Variants in RAMP1 observed in about 807,000 individuals in gnomAD.
RAMP1 encodes the protein receptor activity modifying protein 1.
A neutral mutation model predicts 8.2 loss-of-function variants in RAMP1; 7 were observed. The observed-to-expected ratio is 0.85, with a 90% CI of 0.49 to 1.60. The LOEUF is 1.60. Among genes scored for constraint, RAMP1 ranks in the 40% most tolerant of loss-of-function variants. The pLI is 0.00. For missense variants in RAMP1, 192 were observed against 202.4 expected, an observed-to-expected ratio of 0.95 and a Z score of 0.31; for synonymous variants, 92 against 84.7, an observed-to-expected ratio of 1.09 and a Z score of -0.47.
rs1210149358 is a variant in RAMP1 at position 237,877,607 on chromosome 2, GC to G, written c.191+247del. Among the ~76,000 whole-genome samples the G allele has an allele frequency of 6.6e-6, 1 of 152,174 alleles. No individual in the cohort carries two copies. Among genetic ancestry groups the G allele is most frequent in the Non-Finnish European group, 1.5e-5 (1 of 68,004 alleles). ...TCTGGGGATGGAGGGTTCAGACTGG[GC>G]CATGTCCAGCCAGAGATGCCCGCGG... On this transcript the variant is annotated intron_variant, in intron 2 of 2. Coordinates refer to ENST00000254661, the MANE Select transcript of RAMP1 (RefSeq NM_005855.4). This position sits in a 1 kb window ranked among gnomAD's most constrained non-coding sequence, Gnocchi z 4.4.
At chr2:237,874,811 G>A (rs2062282895) in intron 1 of RAMP1, 4 of 670,068 alleles carry the variant, frequency 6.0e-6, no homozygotes, top group Non-Finnish European at 7.4e-6. Context: ...GCAGCCAAGA[G>A]GGTTCTGAGA....
rs547720168 is a variant in RAMP1 at position 237,871,264 on chromosome 2, T to G, written c.53-5960T>G. Among the ~76,000 whole-genome samples the G allele has an allele frequency of 8.0e-4, 122 of 152,216 alleles. 1 individual carries two copies. Among genetic ancestry groups the G allele is most frequent in the African/African-American group, 2.8e-3 (117 of 41,520 alleles). On this transcript the variant is annotated intron_variant, in intron 1 of 2. Transcript: ENST00000254661. ...CAGCTGACCCCTAGAGAGACAGGAC[T>G]TTAGACAGAGCAGGGGCAGGGAGAG...
intron 1 of RAMP1, among the ~76,000 whole-genome samples, chr2:237,863,825 C>T (rs1390860424): frequency 6.6e-6 from 1 of 152,042 alleles, no homozygotes; most frequent in Non-Finnish European, 1.5e-5. Flanking sequence ...CTCCCATGTG[C>T]AGTCACATGG....
chr2:237,890,569 T>A (rs2062478262), intron 2 of RAMP1, among the ~76,000 whole-genome samples: 1 of 152,218 alleles, frequency 6.6e-6, no homozygotes, highest in Non-Finnish European at 1.5e-5. Flanking sequence ...ACTAACACCA[T>A]CAAACCTCAG....
At chr2:237,900,811 C>T (rs2062589696) in intron 2 of RAMP1, among the ~76,000 whole-genome samples, 1 of 151,804 alleles carries the variant, frequency 6.6e-6, no homozygotes, top group African/African-American at 2.4e-5. Flanking sequence ...GTATTGTAGC[C>T]TGAGAATATT....
At chr2:237,907,232 T>C (rs1214625512) in intron 2 of RAMP1, among the ~76,000 whole-genome samples, 2 of 152,218 alleles carry the variant, frequency 1.3e-5, no homozygotes, top group East Asian at 3.8e-4. Flanking sequence ...TTTTCCTTTT[T>C]CTTTGGTGCT....
At position 237,865,732 on chromosome 2, in the gene RAMP1, C is replaced by G. The variant is rs372398250; in HGVS notation, c.52+6005C>G. On this transcript the variant is annotated intron_variant, in intron 1 of 2. Coordinates refer to ENST00000254661, the MANE Select transcript of RAMP1 (RefSeq NM_005855.4). This position sits in a 1 kb window ranked among gnomAD's most constrained non-coding sequence, Gnocchi z 4.2. ...TCAAATCCTTGCTTGGAGGGGTGAC[C>G]GGTGAGAGTGGGTAGAAACAGGCCC... Among the ~76,000 whole-genome samples the G allele has an allele frequency of 1.3e-5, 2 of 151,984 alleles. No individual in the cohort carries two copies. Among genetic ancestry groups the G allele is most frequent in the Non-Finnish European group, 1.5e-5 (1 of 68,010 alleles).
intron 2 of RAMP1, among the ~76,000 whole-genome samples, chr2:237,889,921 T>C (rs546860984): frequency 5.9e-5 from 9 of 152,132 alleles, no homozygotes; most frequent in African/African-American, 1.7e-4. Context: ...GGTTGTTACC[T>C]GATACTGCTT....
At chr2:237,892,347 C>T (rs1248040048) in intron 2 of RAMP1, among the ~76,000 whole-genome samples, 2 of 149,900 alleles carry the variant, frequency 1.3e-5, no homozygotes, top group Admixed American at 1.3e-4. Context: ...CAGCCTCAAC[C>T]TCCTGGGCCC....
chr2:237,888,716 A>G (rs6748731), intron 2 of RAMP1, among the ~76,000 whole-genome samples: 10,800 of 152,246 alleles, frequency 0.071, 544 homozygotes, highest in East Asian at 0.14. Flanking sequence ...AGGAAGGTAC[A>G]GAGATTTCCC....
chr2:237,867,622 C>T (rs542600685), intron 1 of RAMP1, among the ~76,000 whole-genome samples: 3 of 152,274 alleles, frequency 2.0e-5, no homozygotes, highest in South Asian at 4.2e-4. Flanking sequence ...GCTGGCAGGC[C>T]GCTGGCACTG....
chr2:237,859,682 C>A lies in RAMP1; in HGVS notation c.7C>A (p.Arg3=). ...CTCGGCACCGCTGTGCACCATGGCC[C>A]GGGCCCTGTGCCGCCTCCCGCGGCG... The part of the protein sequence containing the change: MA[R]ALCRLPRRGL... The change falls in exon 1 of 3, where the codon CGG becomes AGG. Residue 3 remains arginine (R), a synonymous_variant. Transcript: ENST00000254661. The A allele has an allele frequency of 6.6e-7, 1 of 1,509,472 alleles. No homozygotes were observed. Among genetic ancestry groups the A allele is most frequent in the South Asian group, 1.3e-5 (1 of 79,760 alleles). The allele number at this position is 1,509,472 out of a possible 1,614,324, so 93.5% of individuals were successfully genotyped here. A position where few individuals can be genotyped will look rare whatever the true frequency, so the allele number is the denominator to read the frequency against.
Position 237,911,789 on chromosome 2 carries a change from G to A in RAMP1, c.*6G>A, listed in dbSNP as rs1231192432. On this transcript the variant is annotated 3_prime_UTR_variant, in exon 3 of 3. Transcript: ENST00000254661. Reference sequence around the variant, plus strand: ...GCACTGAGGGCATTGTGTAGGCGGGGCCCAGGCTGCCCGCGGGTGCACCCA... The same window carrying A: ...GCACTGAGGGCATTGTGTAGGCGGGACCCAGGCTGCCCGCGGGTGCACCCA... The A allele has an allele frequency of 3.1e-6, 5 of 1,590,902 alleles. No individual in the cohort carries two copies. Among genetic ancestry groups the A allele is most frequent in the Non-Finnish European group, 4.3e-6 (5 of 1,167,748 alleles).
intron 2 of RAMP1, among the ~76,000 whole-genome samples, chr2:237,881,329 G>T (rs1212009756): frequency 6.6e-6 from 1 of 152,210 alleles, no homozygotes; most frequent in African/African-American, 2.4e-5. Flanking sequence ...GAAGCCAAGC[G>T]AGCAGAGGCA....
Position 237,877,651 on chromosome 2 carries a change from G to A in RAMP1, c.191+289G>A, listed in dbSNP as rs1012578331. On this transcript the variant is annotated intron_variant, in intron 2 of 2. Coordinates refer to ENST00000254661, the MANE Select transcript of RAMP1 (RefSeq NM_005855.4). The surrounding 1 kb of genome is among the most constrained non-coding windows in gnomAD (Gnocchi z 4.4). ...GCCCGCGGCCTCTCCAAGGGCAGGC[G>A]CCTGGGGAATGACTGAGAGTAGGGT... Among the ~76,000 whole-genome samples the A allele has an allele frequency of 2.6e-5, 4 of 152,286 alleles. No individual in the cohort carries two copies. The highest frequency in any genetic ancestry group is 6.5e-5 in the Admixed American group (1 of 15,304).
chr2:237,883,813 C>T (rs2062398004), intron 2 of RAMP1, among the ~76,000 whole-genome samples: 1 of 139,638 alleles, frequency 7.2e-6, no homozygotes, highest in African/African-American at 2.7e-5. Context: ...CCAGACCCTA[C>T]CTCAAAAAAA....
chr2:237,893,992 G>A (rs867921952), intron 2 of RAMP1, among the ~76,000 whole-genome samples: 17 of 37,742 alleles, frequency 4.5e-4, no homozygotes, highest in Non-Finnish European at 9.0e-4. Flanking sequence ...TTTTTTTTGA[G>A]ACAGTCTCAC....
rs1035058415 is a variant in RAMP1, at chr2:237,877,001, G to A, written c.53-223G>A. Reference sequence around the variant, plus strand: ...AATGTGCCCTGGCCCAAGCTGGCACGGGCACTGAGGGCCAAGCCACCCTTA... The same window carrying A: ...AATGTGCCCTGGCCCAAGCTGGCACAGGCACTGAGGGCCAAGCCACCCTTA... On this transcript the variant is annotated intron_variant, in intron 1 of 2. Transcript: ENST00000254661. This position sits in a 1 kb window ranked among gnomAD's most constrained non-coding sequence, Gnocchi z 4.4. Among the ~76,000 whole-genome samples the A allele has an allele frequency of 5.9e-5, 9 of 152,320 alleles. No individual in the cohort carries two copies. The highest frequency in any genetic ancestry group is 1.9e-4 in the East Asian group (1 of 5,174).
chr2:237,871,040 C>T (rs3769035), intron 1 of RAMP1, among the ~76,000 whole-genome samples: 17,683 of 152,166 alleles, frequency 0.12, 1,075 homozygotes, highest in Middle Eastern at 0.21. Context: ...GAGGCTTTGG[C>T]GGGGTAAGCG....
Sources: gnomAD v4.1 joint callset for allele counts (sites outside exome capture counted in the v4.1 genomes callset) on GRCh38, gnomAD v4.1.1 for gene constraint, Gnocchi (gnomAD v3.1) non-coding constraint, MANE v1.5 for transcripts, NCBI Gene and HGNC (gene_info 2026-07-23, HGNC 2026-07-21) for gene names.